Variants in CHN2 observed in about 807,000 individuals in gnomAD.
The protein encoded by CHN2 is chimerin 2.
A neutral mutation model predicts 56.3 loss-of-function variants in CHN2; 35 were observed. That is an observed-to-expected ratio of 0.62 (90% CI 0.47 to 0.82). The LOEUF is 0.82. Among genes scored for constraint, CHN2 ranks in the 40% least tolerant of loss-of-function variants. CHN2 has a pLI of 0.00. For synonymous variants in CHN2, 210 were observed against 212.8 expected, an observed-to-expected ratio of 0.99 and a Z score of 0.12; for missense variants, 491 against 580.5, an observed-to-expected ratio of 0.85 and a Z score of 1.58.
At chr7:29,196,520 CTAA>C (rs1783732936) in intron 1 of CHN2, among the ~76,000 whole-genome samples, 1 of 152,194 alleles carries the variant, frequency 6.6e-6, no homozygotes, top group Admixed American at 6.5e-5. Flanking sequence ...TTTTGGTTGA[CTAA>C]CATTGAATTT....
chr7:29,317,740 A>T (rs1347557169), intron 1 of CHN2, among the ~76,000 whole-genome samples: 1 of 152,170 alleles, frequency 6.6e-6, no homozygotes, highest in African/African-American at 2.4e-5. Context: ...AGTGGGACAT[A>T]TGAGATATGA....
At chr7:29,289,355 T>C (rs1376801492) in intron 1 of CHN2, among the ~76,000 whole-genome samples, 1 of 152,110 alleles carries the variant, frequency 6.6e-6, no homozygotes, top group African/African-American at 2.4e-5. Flanking sequence ...TGGCACTCTC[T>C]AATTCTGCAT....
rs891408994 is a variant in CHN2, at chr7:29,468,021, C to T, written c.577-12258C>T. On this transcript the variant is annotated intron_variant, in intron 6 of 12. Coordinates refer to ENST00000222792, the MANE Select transcript of CHN2 (RefSeq NM_004067.4). ...GTCTTTGCAGCATGGGTCTTGGGTT[C>T]TGAGAATTGATAACATGTCGGGGAG... 7.3e-5 allele frequency among the ~76,000 whole-genome samples: 11 copies of T among 151,218 alleles called. No homozygotes were observed. The Admixed American group carries it at 7.3e-4, about 10-fold the overall frequency.
At chr7:29,388,817 G>A (rs935825457) in intron 3 of CHN2, among the ~76,000 whole-genome samples, 2 of 152,280 alleles carry the variant, frequency 1.3e-5, no homozygotes, top group Non-Finnish European at 2.9e-5. Flanking sequence ...CATAACATTC[G>A]CATGGCCTCA....
intron 1 of CHN2, among the ~76,000 whole-genome samples, chr7:29,268,601 A>G (rs1790355238): frequency 1.3e-5 from 2 of 152,144 alleles, no homozygotes; most frequent in South Asian, 2.1e-4. Flanking sequence ...GTGGAATGCC[A>G]TGGGGAGTCT....
intron 1 of CHN2, among the ~76,000 whole-genome samples, chr7:29,231,916 AAG>A (rs1474138252): frequency 6.6e-6 from 1 of 152,206 alleles, no homozygotes; most frequent in Non-Finnish European, 1.5e-5. Context: ...GTTGCAGTTT[AAG>A]TATTTATTTT....
chr7:29,171,584 C>T (rs1023482944), intron 2 of CHN2, among the ~76,000 whole-genome samples: 26 of 152,104 alleles, frequency 1.7e-4, no homozygotes, highest in Non-Finnish European at 2.6e-4. Context: ...TAACGTGGAC[C>T]GGAAAGACAA....
At chr7:29,375,696 G>A (rs932555434) in intron 3 of CHN2, among the ~76,000 whole-genome samples, 1 of 152,190 alleles carries the variant, frequency 6.6e-6, no homozygotes, top group African/African-American at 2.4e-5. Flanking sequence ...GGTGGTGGTG[G>A]TAGTGAGAGT....
chr7:29,238,015 C>CTTTTTTTTTTTTT (rs11405147), intron 1 of CHN2, among the ~76,000 whole-genome samples: 2 of 106,004 alleles, frequency 1.9e-5, no homozygotes, highest in Non-Finnish European at 3.6e-5. Flanking sequence ...TATGTATTCT[C>CTTTTTTTTTTTTT]TTTTTTTTTT....
chr7:29,389,462 C>T (rs908448404), intron 3 of CHN2, among the ~76,000 whole-genome samples: 33 of 152,258 alleles, frequency 2.2e-4, no homozygotes, highest in African/African-American at 7.9e-4. Flanking sequence ...ACACGTCATA[C>T]CTCTACCCTC....
At chr7:29,295,544 C>T (rs1290471258) in intron 1 of CHN2, among the ~76,000 whole-genome samples, 1 of 150,710 alleles carries the variant, frequency 6.6e-6, no homozygotes, top group Admixed American at 6.6e-5. Flanking sequence ...AAGTGGATCA[C>T]TTAAGCCCAG....
At chr7:29,479,938 C>T in intron 6 of CHN2, 1 of 1,441,658 alleles carries the variant, frequency 6.9e-7, no homozygotes, top group Non-Finnish European at 9.1e-7. Context: ...AGAAGCCGGG[C>T]CCCCTCCATC....
chr7:29,163,395 A>C (rs1378467398), intron 2 of CHN2, among the ~76,000 whole-genome samples: 1 of 152,148 alleles, frequency 6.6e-6, no homozygotes, highest in Non-Finnish European at 1.5e-5. Context: ...ATGTTTAAAA[A>C]TGTGTCTTTT....
chr7:29,163,057 C>T (rs986700348), intron 2 of CHN2, among the ~76,000 whole-genome samples: 5 of 152,106 alleles, frequency 3.3e-5, no homozygotes, highest in Admixed American at 1.3e-4. Flanking sequence ...TTATGTAAAA[C>T]GTTACCATGG....
intron 2 of CHN2, among the ~76,000 whole-genome samples, chr7:29,172,350 C>T (rs1464504235): frequency 1.3e-5 from 2 of 152,202 alleles, no homozygotes; most frequent in Admixed American, 6.5e-5. Context: ...AACATTGTGA[C>T]TTCTACACCT....
intron 2 of CHN2, among the ~76,000 whole-genome samples, chr7:29,178,232 G>T (rs1233675294): frequency 6.6e-6 from 1 of 152,150 alleles, no homozygotes; most frequent in African/African-American, 2.4e-5. Flanking sequence ...CTGCCAAAGT[G>T]ATCTTTTCAG....
chr7:29,310,565 A>C (rs1269219756), intron 1 of CHN2, among the ~76,000 whole-genome samples: 1 of 152,210 alleles, frequency 6.6e-6, no homozygotes, highest in African/African-American at 2.4e-5. Context: ...GGTGATATAA[A>C]ATTCTAAAAT....
chr7:29,473,452 T>TTG (rs1304028155), intron 6 of CHN2, among the ~76,000 whole-genome samples: 4 of 144,792 alleles, frequency 2.8e-5, no homozygotes, highest in Non-Finnish European at 6.0e-5. Context: ...CATGGGGTGT[T>TTG]TGTGTGTGTG....
intron 2 of CHN2, among the ~76,000 whole-genome samples, chr7:29,363,059 T>TGGA (rs1386781118): frequency 6.6e-6 from 1 of 152,244 alleles, no homozygotes; most frequent in African/African-American, 2.4e-5. Context: ...TTCTTAGATC[T>TGGA]GGAACTCTGT....
Sources: allele counts gnomAD v4.1 joint callset (sites outside exome capture counted in the v4.1 genomes callset), GRCh38; gene constraint gnomAD v4.1.1; transcripts MANE v1.5; gene names NCBI Gene and HGNC (gene_info 2026-07-23, HGNC 2026-07-21).